Variants in TET2 observed in about 807,000 individuals in gnomAD.
TET2 encodes tet methylcytosine dioxygenase 2, also known as methylcytosine dioxygenase TET2.
In TET2, 299 loss-of-function variants were observed where a neutral mutation model predicts 142.9. The ratio of observed to expected loss-of-function variants is 2.09; its 90% CI spans 1.90 to 2.30. The LOEUF is 2.30. Among genes scored for constraint, TET2 ranks in the 30% most tolerant of loss-of-function variants. TET2 has a pLI of 0.00. For missense variants in TET2, 2,418 were observed against 2,378.0 expected, an observed-to-expected ratio of 1.02 and a Z score of -0.35; for synonymous variants, 819 against 849.0, an observed-to-expected ratio of 0.96 and a Z score of 0.61.
chr4:105,186,815 T>C (rs563534606), intron 1 of TET2, among the ~76,000 whole-genome samples: 1 of 152,242 alleles, frequency 6.6e-6, no homozygotes, highest in Admixed American at 6.5e-5. Flanking sequence ...TTTCAAAACA[T>C]GTATATAAGC....
chr4:105,149,285 G>A lies in TET2; in HGVS notation c.-193+2306G>A, dbSNP rs143100341. Reference sequence around the variant, plus strand: ...TCAATAAATAAGAATAACTACATTGGTTAATAATTTTGAATACAACTATGA... The same window carrying A: ...TCAATAAATAAGAATAACTACATTGATTAATAATTTTGAATACAACTATGA... On this transcript the variant is annotated intron_variant, in intron 1 of 10. Transcript: ENST00000380013. Among the ~76,000 whole-genome samples the A allele has an allele frequency of 2.6e-5, 4 of 152,140 alleles. No individual in the cohort carries two copies. In the East Asian group the frequency reaches 7.7e-4, roughly 29 times the overall value.
intron 1 of TET2, among the ~76,000 whole-genome samples, chr4:105,186,651 T>C (rs991827799): frequency 1.1e-4 from 16 of 152,008 alleles, no homozygotes; most frequent in Admixed American, 6.6e-5. Context: ...TTTATATTTT[T>C]AGTAGAGACG....
At chr4:105,221,735 T>G (rs1221823113) in intron 2 of TET2, among the ~76,000 whole-genome samples, 1 of 152,032 alleles carries the variant, frequency 6.6e-6, no homozygotes, top group East Asian at 1.9e-4. Context: ...TTATTATACT[T>G]TAAGTTTTAG....
intron 6 of TET2, among the ~76,000 whole-genome samples, chr4:105,245,645 A>G (rs953147273): frequency 2.3e-4 from 35 of 152,030 alleles, no homozygotes; most frequent in Non-Finnish European, 4.6e-4. Flanking sequence ...TATTTTTTTA[A>G]TCTACCCTGA....
chr4:105,229,466 A>G (rs993406150), intron 2 of TET2, among the ~76,000 whole-genome samples: 2 of 152,020 alleles, frequency 1.3e-5, no homozygotes, highest in Non-Finnish European at 2.9e-5. Context: ...ATGCGCCACC[A>G]TGCCCAGCTA....
At chr4:105,216,967 T>C (rs1486754975) in intron 2 of TET2, among the ~76,000 whole-genome samples, 1 of 152,080 alleles carries the variant, frequency 6.6e-6, no homozygotes, top group Non-Finnish European at 1.5e-5. Context: ...CAAATGTTAT[T>C]TTCAATACAT....
chr4:105,230,186 T>A (rs1728427613), intron 2 of TET2, among the ~76,000 whole-genome samples: 1 of 152,096 alleles, frequency 6.6e-6, no homozygotes, highest in Non-Finnish European at 1.5e-5. Flanking sequence ...GGATTACAGG[T>A]GCCTACCACC....
At chr4:105,156,409 C>G (rs1486249988) in intron 1 of TET2, among the ~76,000 whole-genome samples, 1 of 152,152 alleles carries the variant, frequency 6.6e-6, no homozygotes, top group African/African-American at 2.4e-5. Flanking sequence ...TAATTTGCTA[C>G]TTTTAACATT....
At chr4:105,241,067 G>GTTGAGTTTCA in intron 3 of TET2, 1 of 1,079,910 alleles carries the variant, frequency 9.3e-7, no homozygotes, top group South Asian at 4.2e-5. Context: ...TGTATTCTTT[G>GTTGAGTTTCA]TTTAGTTTCA....
chr4:105,245,178 A>G (rs958843089), intron 6 of TET2, among the ~76,000 whole-genome samples: 3 of 152,236 alleles, frequency 2.0e-5, no homozygotes, highest in African/African-American at 7.2e-5. Context: ...TACTCTTTCT[A>G]TATGAAAGTG....
intron 6 of TET2, among the ~76,000 whole-genome samples, chr4:105,246,515 T>C (rs538781118): frequency 1.8e-4 from 27 of 152,328 alleles, no homozygotes; most frequent in African/African-American, 6.3e-4. Context: ...GCTTAAGCTA[T>C]GCTTATGCAT....
intron 1 of TET2, chr4:105,147,880 CA>C (rs1560704893): frequency 6.6e-6 from 1 of 151,518 alleles, no homozygotes; most frequent in African/African-American, 2.4e-5. Flanking sequence ...GTTGGAGTTG[CA>C]AGACTGCAAG....
intron 2 of TET2, among the ~76,000 whole-genome samples, chr4:105,197,828 A>G (rs1045110312): frequency 2.0e-5 from 3 of 152,232 alleles, no homozygotes; most frequent in Admixed American, 6.5e-5. Flanking sequence ...CCCTTTACTC[A>G]CTTTCAGAGT....
chr4:105,276,577 G>C lies in TET2; in HGVS notation c.*58G>C, dbSNP rs1731235116. On this transcript the variant is annotated 3_prime_UTR_variant, in exon 11 of 11. Coordinates refer to ENST00000380013, the MANE Select transcript of TET2 (RefSeq NM_001127208.3). ...AAAGACCACAACCAACCTGTCAGTA[G>C]TATAGTTCTCATGACGTGGGCAGTG... 1.3e-6 allele frequency: 2 copies of C among 1,492,054 alleles called. No homozygotes were observed. Among genetic ancestry groups the C allele is most frequent in the African/African-American group, 2.8e-5 (2 of 71,050 alleles). The allele number at this position is 1,492,054 out of a possible 1,614,324, so 92.4% of individuals were successfully genotyped here.
At chr4:105,165,741 C>T (rs1724118658) in intron 1 of TET2, among the ~76,000 whole-genome samples, 1 of 152,138 alleles carries the variant, frequency 6.6e-6, no homozygotes, top group African/African-American at 2.4e-5. Context: ...AAATACAGAA[C>T]ACAAAATGAA....
rs1307959250 is a variant in TET2, at chr4:105,213,911, G to A, written c.-46-19986G>A. 3.9e-5 allele frequency among the ~76,000 whole-genome samples: 6 copies of A among 152,090 alleles called. No homozygotes were observed. In the East Asian group the frequency reaches 1.2e-3, roughly 29 times the overall value. ...GTCTCCCTCTGTCGCCCAGGGTGGA[G>A]TACAGTGGTGCAATCTCTGCTCACT... On this transcript the variant is annotated intron_variant, in intron 2 of 10. Coordinates refer to ENST00000380013, the MANE Select transcript of TET2 (RefSeq NM_001127208.3).
chr4:105,155,569 T>C (rs2866774), intron 1 of TET2, among the ~76,000 whole-genome samples: 1 of 152,208 alleles, frequency 6.6e-6, no homozygotes, highest in Non-Finnish European at 1.5e-5. Flanking sequence ...TGTATTTGAA[T>C]TTCTAACCTT....
intron 1 of TET2, among the ~76,000 whole-genome samples, chr4:105,164,955 A>G (rs1468230342): frequency 1.3e-5 from 2 of 152,210 alleles, no homozygotes; most frequent in East Asian, 1.9e-4. Context: ...AAATTTGTCC[A>G]TAGAAATATT....
At chr4:105,265,272 A>C (rs1173370669) in intron 8 of TET2, among the ~76,000 whole-genome samples, 1 of 152,202 alleles carries the variant, frequency 6.6e-6, no homozygotes, top group Non-Finnish European at 1.5e-5. Flanking sequence ...TGGCTAGTGT[A>C]ATTGAGTTTA....
Sources: allele counts gnomAD v4.1 joint callset (sites outside exome capture counted in the v4.1 genomes callset), GRCh38; gene constraint gnomAD v4.1.1; transcripts MANE v1.5; gene names NCBI Gene and HGNC (gene_info 2026-07-23, HGNC 2026-07-21).